Variants in TAF4 observed in about 807,000 individuals in gnomAD.
TAF4 encodes transcription initiation factor TFIID subunit 4.
Under a neutral mutation model 90.3 loss-of-function variants are expected in TAF4, and 9 were observed. The observed-to-expected ratio is 0.10, with a 90% CI of 0.06 to 0.17. The LOEUF (loss-of-function observed/expected upper bound fraction) is 0.17. TAF4 is among the 10% of genes least tolerant of loss of function. The pLI is 1.00. For missense variants in TAF4, 1,351 were observed against 1,370.7 expected (o/e 0.99, Z 0.23); for synonymous variants, 818 against 638.9 (o/e 1.28, Z -4.23).
intron 14 of TAF4, among the ~76,000 whole-genome samples, chr20:61,994,988 C>T (rs546151815): frequency 2.0e-5 from 3 of 152,344 alleles, no homozygotes; most frequent in Admixed American, 6.5e-5. Flanking sequence ...GAGTTTGCAA[C>T]TTGAGTCCCA....
Position 62,065,737 on chromosome 20 carries a change from A to G in TAF4, c.74T>C (p.Leu25Pro). ...SEVDEKVVSD[L>P]VGSLESQLAA... ...CAGCTGCGACTCCAGCGAGCCCACC[A>G]GGTCGCTCACCACTTTCTCGTCCAC... is the stretch of plus-strand genomic sequence containing the variant. The change falls in exon 1 of 15, where the codon CTG becomes CCG. Residue 25 changes from leucine to proline, a missense_variant. Around this residue, in one of 9 missense-constraint regions of TAF4, gnomAD observed 782 missense variants for 536.6 expected, o/e 1.46. Transcript: ENST00000252996. 2 of 1,320,804 alleles carry G rather than the reference A, an allele frequency of 1.5e-6. No individual in the cohort carries two copies. The highest frequency in any genetic ancestry group is 9.8e-7 in the Non-Finnish European group (1 of 1,017,438). 81.8% of individuals were successfully genotyped at this position (1,320,804 alleles called of 1,614,324 possible).
At chr20:62,021,561 C>T (rs6142923) in intron 1 of TAF4, among the ~76,000 whole-genome samples, 36,257 of 152,270 alleles carry the variant, frequency 0.24, 5,340 homozygotes, top group South Asian at 0.4. Flanking sequence ...GCCAGGGCTG[C>T]GTGGGCTGGG....
At chr20:62,057,203 G>A (rs1204819033) in intron 1 of TAF4, among the ~76,000 whole-genome samples, 1 of 152,196 alleles carries the variant, frequency 6.6e-6, no homozygotes, top group Non-Finnish European at 1.5e-5. Flanking sequence ...AGTGTCTGCA[G>A]CCCCCAGTGG....
chr20:61,992,537 A>G (rs1386141275), intron 14 of TAF4, among the ~76,000 whole-genome samples: 1 of 151,696 alleles, frequency 6.6e-6, no homozygotes, highest in Non-Finnish European at 1.5e-5. Context: ...CATTTTGAAC[A>G]TGGTAACTCC....
chr20:62,042,122 C>A (rs897792904), intron 1 of TAF4, among the ~76,000 whole-genome samples: 1 of 152,162 alleles, frequency 6.6e-6, no homozygotes, highest in African/African-American at 2.4e-5. Flanking sequence ...ACTAATCTGG[C>A]CTGCCACGCC....
chr20:62,040,732 G>C (rs1212816933), intron 1 of TAF4, among the ~76,000 whole-genome samples: 1 of 152,228 alleles, frequency 6.6e-6, no homozygotes, highest in East Asian at 1.9e-4. Flanking sequence ...CTGAGCCCGC[G>C]GATGAAACTA....
At chr20:61,998,071 C>T in intron 13 of TAF4, 65 bp downstream of exon 13, 1 of 1,495,826 alleles carries the variant, frequency 6.7e-7, no homozygotes. Flanking sequence ...CCTTAGCCCC[C>T]CTCCCGTGGG....
At chr20:62,033,407 G>A (rs1234791754) in intron 1 of TAF4, among the ~76,000 whole-genome samples, 1 of 152,202 alleles carries the variant, frequency 6.6e-6, no homozygotes, top group Non-Finnish European at 1.5e-5. Flanking sequence ...AATATCCCCT[G>A]CCCCAAGAAA....
At chr20:62,044,957 G>C (rs1439684990) in intron 1 of TAF4, among the ~76,000 whole-genome samples, 1 of 152,210 alleles carries the variant, frequency 6.6e-6, no homozygotes, top group Non-Finnish European at 1.5e-5. Context: ...CATGGGCACA[G>C]GGAGCAGTCC....
At chr20:61,981,966 C>T (rs1428507609) in intron 14 of TAF4, among the ~76,000 whole-genome samples, 2 of 149,610 alleles carry the variant, frequency 1.3e-5, no homozygotes, top group Non-Finnish European at 3.0e-5. Context: ...GGAGAGGAGA[C>T]ATCAAACCCA....
At chr20:62,012,998 A>C (rs1449719061) in intron 2 of TAF4, 64 bp from the exon 3 acceptor site, 1 of 1,592,124 alleles carries the variant, frequency 6.3e-7, no homozygotes, top group East Asian at 2.2e-5. Context: ...CCCCAGGTAC[A>C]CAGAAATTAT....
chr20:62,000,159 A>T lies in TAF4; in HGVS notation c.2752T>A (p.Ser918Thr). 2 of 1,614,176 alleles carry T rather than the reference A, an allele frequency of 1.2e-6. No homozygotes were observed. Among genetic ancestry groups the T allele is most frequent in the Middle Eastern group, 1.7e-4 (1 of 6,060 alleles). The change falls in exon 11 of 15, where the codon TCA becomes ACA. Residue 918 changes from serine to threonine, a missense_variant. Around this residue, in one of 9 missense-constraint regions of TAF4, gnomAD observed 95 missense variants for 151.3 expected, o/e 0.63. Coordinates refer to ENST00000252996, the MANE Select transcript of TAF4 (RefSeq NM_003185.4). Reference protein sequence around the residue: ...QRLQNLVEKISETAQQKNFSY... With the variant: ...QRLQNLVEKITETAQQKNFSY... The stretch of plus-strand genomic sequence containing the variant: ...AAGTTCTTCTGCTGAGCTGTTTCTG[A>T]TATTTTCTCTACAAGATTCTGTAGC...
At chr20:61,994,595 C>A (rs1044546144) in intron 14 of TAF4, among the ~76,000 whole-genome samples, 1 of 152,210 alleles carries the variant, frequency 6.6e-6, no homozygotes, top group Non-Finnish European at 1.5e-5. Flanking sequence ...CCACACCAGG[C>A]AGCCATTTCT....
intron 1 of TAF4, among the ~76,000 whole-genome samples, chr20:62,029,012 T>C (rs375438737): frequency 5.3e-5 from 8 of 152,076 alleles, no homozygotes; most frequent in Admixed American, 1.3e-4. Flanking sequence ...CTGGCTAACA[T>C]AGTGAAAACC....
intron 1 of TAF4, among the ~76,000 whole-genome samples, chr20:62,042,079 C>CT (rs1267597970): frequency 6.6e-6 from 1 of 152,176 alleles, no homozygotes. Context: ...ACAGGCATTC[C>CT]TGTTTCCGCG....
At chr20:61,988,680 G>A (rs1445281264) in intron 14 of TAF4, among the ~76,000 whole-genome samples, 2 of 152,152 alleles carry the variant, frequency 1.3e-5, no homozygotes, top group Admixed American at 6.5e-5. Context: ...AACACACAAA[G>A]ATCCCCAAAG....
chr20:62,041,977 A>C (rs6061405), intron 1 of TAF4, among the ~76,000 whole-genome samples: 1 of 151,670 alleles, frequency 6.6e-6, no homozygotes, highest in African/African-American at 2.4e-5. Flanking sequence ...CTAATGATAC[A>C]GACAGGAGGC....
At chr20:62,045,233 G>A (rs945683726) in intron 1 of TAF4, among the ~76,000 whole-genome samples, 10 of 152,166 alleles carry the variant, frequency 6.6e-5, no homozygotes, top group Non-Finnish European at 1.3e-4. Flanking sequence ...AGGGACAACC[G>A]TCCCGCACCT....
chr20:61,976,096 A>C lies in TAF4; in HGVS notation c.*72T>G. On this transcript the variant is annotated 3_prime_UTR_variant, in exon 15 of 15. Coordinates refer to ENST00000252996, the MANE Select transcript of TAF4 (RefSeq NM_003185.4). The stretch of plus-strand genomic sequence containing the variant: ...GTAAAGAGGTGGCTGTTTTTTAAAC[A>C]ATATCCCATTTGCTCGTTACAAAAA... The C allele has an allele frequency of 6.5e-7, 1 of 1,537,112 alleles. No homozygotes were observed. Among genetic ancestry groups the C allele is most frequent in the Non-Finnish European group, 9.0e-7 (1 of 1,115,638 alleles).
Sources: allele counts gnomAD v4.1 joint callset (sites outside exome capture counted in the v4.1 genomes callset), GRCh38; gene constraint gnomAD v4.1.1; regional missense constraint gnomAD v4.1.1; transcripts MANE v1.5; gene names NCBI Gene and HGNC (gene_info 2026-07-23, HGNC 2026-07-21).